CHST8: variants seen among roughly 807,000 people sequenced by gnomAD.
The protein encoded by CHST8 is carbohydrate sulfotransferase 8.
A neutral mutation model predicts 15.0 loss-of-function variants in CHST8; 10 were observed. That is an observed-to-expected ratio of 0.67 (90% CI 0.41 to 1.13). The LOEUF (loss-of-function observed/expected upper bound fraction) is 1.13. CHST8 is among the 50% of genes most tolerant of loss of function. The probability of loss-of-function intolerance (pLI) is 0.00; values close to 1 mark genes in which losing one functional copy is unlikely to be tolerated. For missense variants in CHST8, 634 were observed against 608.2 expected (o/e 1.04, Z -0.45); for synonymous variants, 259 against 256.6 (o/e 1.01, Z -0.09).
chr19:33,709,370 T>C (rs1298717810), intron 3 of CHST8, among the ~76,000 whole-genome samples: 5 of 152,222 alleles, frequency 3.3e-5, no homozygotes. Flanking sequence ...AAATGACTTT[T>C]ATGACCTTCA....
intron 3 of CHST8, among the ~76,000 whole-genome samples, chr19:33,695,871 G>A (rs1973209301): frequency 8.5e-6 from 1 of 118,064 alleles, no homozygotes; most frequent in East Asian, 2.4e-4. Context: ...TGTCTCCCAG[G>A]CTGGAGTACG....
chr19:33,627,729 T>C (rs1041500657), intron 1 of CHST8, among the ~76,000 whole-genome samples: 14 of 152,178 alleles, frequency 9.2e-5, no homozygotes, highest in African/African-American at 3.4e-4. Context: ...TGATTCTCAG[T>C]CCCACACTCC....
intron 1 of CHST8, among the ~76,000 whole-genome samples, chr19:33,633,673 C>T (rs1400632028): frequency 6.6e-6 from 1 of 151,854 alleles, no homozygotes; most frequent in African/African-American, 2.4e-5. Context: ...GTTGGGATTA[C>T]AGGTGTGTGT....
intron 1 of CHST8, among the ~76,000 whole-genome samples, chr19:33,645,492 C>CA: frequency 6.6e-6 from 1 of 152,268 alleles, no homozygotes; most frequent in Non-Finnish European, 1.5e-5. Context: ...TATTTGAAGG[C>CA]AGAGCCAACA....
intron 3 of CHST8, among the ~76,000 whole-genome samples, chr19:33,715,509 T>A (rs537517938): frequency 1.3e-5 from 2 of 152,372 alleles, no homozygotes; most frequent in East Asian, 3.9e-4. Context: ...CTTGGGCCTG[T>A]CAGCTCTGCA....
rs150999188 is a variant in CHST8, at chr19:33,648,271, A to G, written c.-163-19496A>G. ...ACATACCTCACCATTCACCCACCTG[A>G]AGTGTGCAATTCCATGGTTTTCAGT... On this transcript the variant is annotated intron_variant, in intron 1 of 4. Coordinates refer to ENST00000650847, the MANE Select transcript of CHST8 (RefSeq NM_001127895.2). Among the ~76,000 whole-genome samples the G allele has an allele frequency of 2.6e-5, 4 of 152,250 alleles. No homozygotes were observed. In the East Asian group the frequency reaches 7.7e-4, roughly 29 times the overall value.
At chr19:33,751,206 G>C (rs905921896) in intron 3 of CHST8, among the ~76,000 whole-genome samples, 1 of 152,170 alleles carries the variant, frequency 6.6e-6, no homozygotes, top group Non-Finnish European at 1.5e-5. Flanking sequence ...CGCTTGGCCC[G>C]GCTGACCAGC....
intron 1 of CHST8, among the ~76,000 whole-genome samples, chr19:33,634,310 A>C (rs1972162716): frequency 6.6e-6 from 1 of 152,230 alleles, no homozygotes; most frequent in Non-Finnish European, 1.5e-5. Context: ...TTTATTTCTC[A>C]GATGACGAAT....
At chr19:33,736,662 A>G (rs570388910) in intron 3 of CHST8, among the ~76,000 whole-genome samples, 4 of 152,160 alleles carry the variant, frequency 2.6e-5, no homozygotes, top group African/African-American at 9.6e-5. Flanking sequence ...CAGCCAGGAA[A>G]TGTTCTGTTA....
chr19:33,676,614 G>A (rs1011946678), intron 2 of CHST8, among the ~76,000 whole-genome samples: 4 of 152,048 alleles, frequency 2.6e-5, no homozygotes, highest in African/African-American at 7.2e-5. Context: ...GATGGCTTAC[G>A]CCTGTCATTC....
At chr19:33,675,096 T>C (rs1008929540) in intron 2 of CHST8, among the ~76,000 whole-genome samples, 2 of 152,188 alleles carry the variant, frequency 1.3e-5, no homozygotes, top group African/African-American at 4.8e-5. Context: ...GAATGTGTAG[T>C]GGGCCCTGTG....
At chr19:33,671,178 C>G (rs1972732678) in intron 2 of CHST8, among the ~76,000 whole-genome samples, 1 of 152,216 alleles carries the variant, frequency 6.6e-6, no homozygotes, top group South Asian at 2.1e-4. Flanking sequence ...AGAATATCCA[C>G]ATCAGAAAAG....
chr19:33,726,017 G>A (rs766399711), intron 3 of CHST8, among the ~76,000 whole-genome samples: 4 of 152,344 alleles, frequency 2.6e-5, no homozygotes, highest in Middle Eastern at 3.4e-3. Context: ...GTCATTGCCC[G>A]CTGCAGCAGG....
intron 2 of CHST8, among the ~76,000 whole-genome samples, chr19:33,679,599 C>T (rs1349269436): frequency 6.6e-6 from 1 of 152,218 alleles, no homozygotes; most frequent in Non-Finnish European, 1.5e-5. Context: ...GACTGTCAGA[C>T]CTTCGTGTCT....
intron 3 of CHST8, among the ~76,000 whole-genome samples, chr19:33,753,088 C>G (rs1241395965): frequency 9.2e-5 from 14 of 152,040 alleles, no homozygotes; most frequent in African/African-American, 3.4e-4. Flanking sequence ...TGAATTGGAG[C>G]CACCACTGTC....
intron 3 of CHST8, among the ~76,000 whole-genome samples, chr19:33,720,263 C>T (rs1973759647): frequency 6.6e-6 from 1 of 151,620 alleles, no homozygotes. Flanking sequence ...ACACATACAC[C>T]ACACATACGC....
At chr19:33,746,053 G>A (rs976950355) in intron 3 of CHST8, among the ~76,000 whole-genome samples, 1 of 152,188 alleles carries the variant, frequency 6.6e-6, no homozygotes, top group African/African-American at 2.4e-5. Context: ...TGTAGCTGGT[G>A]TTATTGAACT....
chr19:33,728,335 C>T (rs568828798), intron 3 of CHST8, among the ~76,000 whole-genome samples: 150 of 152,322 alleles, frequency 9.8e-4, no homozygotes, highest in Non-Finnish European at 2.9e-4. Context: ...GCTTTTGGGG[C>T]GGCTTCTGTA....
intron 1 of CHST8, among the ~76,000 whole-genome samples, chr19:33,661,115 C>T (rs1446312080): frequency 6.6e-6 from 1 of 152,062 alleles, no homozygotes; most frequent in Non-Finnish European, 1.5e-5. Flanking sequence ...TTGGGTTGAG[C>T]CCAGGAGTTC....
Sources: gnomAD v4.1 joint callset for allele counts (sites outside exome capture counted in the v4.1 genomes callset) on GRCh38, gnomAD v4.1.1 for gene constraint, MANE v1.5 for transcripts, NCBI Gene and HGNC (gene_info 2026-07-23, HGNC 2026-07-21) for gene names.